Variants in YAF2 observed in about 807,000 individuals in gnomAD.
YAF2 encodes YY1-associated factor 2.
Under a neutral mutation model 20.1 loss-of-function variants are expected in YAF2, and 7 were observed. The ratio of observed to expected loss-of-function variants is 0.35; its 90% CI spans 0.20 to 0.65. The LOEUF (loss-of-function observed/expected upper bound fraction) is 0.65, where lower values mean the gene tolerates loss of function less well. YAF2 is among the 30% of genes least tolerant of loss of function. The probability of loss-of-function intolerance (pLI) is 0.69; values close to 1 mark genes in which losing one functional copy is unlikely to be tolerated. For missense variants in YAF2, 151 were observed against 219.2 expected (o/e 0.69, Z 1.96); for synonymous variants, 74 against 76.0 (o/e 0.97, Z 0.14).
At chr12:42,177,025 G>A (rs2137027596) in intron 2 of YAF2, among the ~76,000 whole-genome samples, 1 of 152,252 alleles carries the variant, frequency 6.6e-6, no homozygotes, top group East Asian at 1.9e-4. Flanking sequence ...CTTCCACAGA[G>A]CAGCCACTGT....
intron 2 of YAF2, among the ~76,000 whole-genome samples, chr12:42,230,591 C>G (rs777959288): frequency 6.6e-6 from 1 of 151,970 alleles, no homozygotes; most frequent in East Asian, 1.9e-4. Context: ...TAGTTCATGA[C>G]AGAAGTGATA....
chr12:42,210,421 G>T (rs2067172999), intron 2 of YAF2: 2 of 1,533,554 alleles, frequency 1.3e-6, no homozygotes, highest in African/African-American at 2.7e-5. Flanking sequence ...CTTCTGTTCA[G>T]CATGAGAATC....
chr12:42,235,291 G>A (rs761790973), intron 2 of YAF2: 6 of 999,208 alleles, frequency 6.0e-6, no homozygotes, highest in Non-Finnish European at 7.2e-6. Context: ...AGTCAATTAT[G>A]GAGAATTATT....
intron 2 of YAF2, among the ~76,000 whole-genome samples, chr12:42,237,004 A>T (rs759337990): frequency 6.6e-6 from 1 of 152,242 alleles, no homozygotes; most frequent in East Asian, 1.9e-4. Flanking sequence ...TAATCAAACT[A>T]AAGATATAAA....
intron 2 of YAF2, chr12:42,232,725 AG>A: frequency 4.1e-6 from 4 of 985,456 alleles, no homozygotes; most frequent in Non-Finnish European, 4.8e-6. Context: ...AAGTATGACA[AG>A]AAAACAACGA....
At position 42,158,265 on chromosome 12, in the gene YAF2, T is replaced by C. The variant is rs1016193840; in HGVS notation, c.*2324A>G. 1.3e-5 allele frequency: 2 copies of C among 152,176 alleles called. No homozygotes were observed. The highest frequency in any genetic ancestry group is 2.9e-5 in the Non-Finnish European group (2 of 68,014). The allele number at this position is 152,176 out of a possible 1,614,324, so 9.4% of individuals were successfully genotyped here. On this transcript the variant is annotated 3_prime_UTR_variant, in exon 4 of 4. Coordinates refer to ENST00000534854, the MANE Select transcript of YAF2 (RefSeq NM_005748.6). ...GTGCACACCCACCAGGTTCTTTAAT[T>C]ATGGAAAGATGGTCTTTCTGCATCC... is the stretch of plus-strand genomic sequence containing the variant.
At chr12:42,194,976 G>T (rs1348886986) in intron 2 of YAF2, among the ~76,000 whole-genome samples, 1 of 152,024 alleles carries the variant, frequency 6.6e-6, no homozygotes, top group African/African-American at 2.4e-5. Context: ...ATGTATACAT[G>T]GTACATCAAG....
intron 2 of YAF2, among the ~76,000 whole-genome samples, chr12:42,179,913 T>A (rs866460793): frequency 1.3e-5 from 2 of 151,950 alleles, no homozygotes; most frequent in African/African-American, 4.8e-5. Context: ...TACTCACTAA[T>A]AAACCATGCC....
At chr12:42,213,002 G>A (rs554742708) in intron 2 of YAF2, among the ~76,000 whole-genome samples, 1 of 152,280 alleles carries the variant, frequency 6.6e-6, no homozygotes, top group South Asian at 2.1e-4. Context: ...ACAGATCAAG[G>A]AGCAATAATG....
chr12:42,227,834 G>T (rs868472517), intron 2 of YAF2, among the ~76,000 whole-genome samples: 1,853 of 139,134 alleles, frequency 0.013, 44 homozygotes, highest in African/African-American at 0.048. Flanking sequence ...CGTGCCGTCC[G>T]GGAGGGAGGT....
intron 2 of YAF2, chr12:42,234,709 G>A (rs2068090449): frequency 2.0e-6 from 2 of 984,494 alleles, no homozygotes; most frequent in Non-Finnish European, 2.4e-6. Context: ...CTTTAAAGGG[G>A]CCGAATGGTG....
At chr12:42,176,340 C>A (rs11181368) in intron 2 of YAF2, among the ~76,000 whole-genome samples, 1 of 151,992 alleles carries the variant, frequency 6.6e-6, no homozygotes, top group African/African-American at 2.4e-5. Flanking sequence ...AGACTGGTCT[C>A]AAACTTCTGG....
chr12:42,198,699 G>A (rs572785224), intron 2 of YAF2, among the ~76,000 whole-genome samples: 31 of 152,264 alleles, frequency 2.0e-4, no homozygotes, highest in Admixed American at 3.9e-4. Flanking sequence ...GTAAAATTCC[G>A]AAATGGAGAG....
rs539844234 is a variant in YAF2 at position 42,237,905 on chromosome 12, G to C, written c.27-181C>G. 4,152 of 541,418 alleles carry C rather than the reference G, an allele frequency of 7.7e-3. 168 individuals are homozygous for C. The African/African-American group carries it at 0.081, about 11-fold the overall frequency. 33.5% of individuals were successfully genotyped at this position (541,418 alleles called of 1,614,324 possible). On this transcript the variant is annotated intron_variant, in intron 1 of 3. Coordinates refer to ENST00000534854, the MANE Select transcript of YAF2 (RefSeq NM_005748.6). ...AGGGAGTCAGGAAGAGGCAGGGCGC[G>C]AGCGCGGCCGCAGTCGCCGCCGCCA...
intron 2 of YAF2, among the ~76,000 whole-genome samples, chr12:42,201,861 C>A (rs1003287396): frequency 2.0e-5 from 3 of 152,158 alleles, no homozygotes; most frequent in African/African-American, 7.2e-5. Context: ...GTATGAGTTA[C>A]CACACCCAGC....
chr12:42,179,660 G>T (rs533446616), intron 2 of YAF2, among the ~76,000 whole-genome samples: 1 of 151,552 alleles, frequency 6.6e-6, no homozygotes, highest in Non-Finnish European at 1.5e-5. Flanking sequence ...GTGGTGGCAC[G>T]TGCCACCCAG....
At chr12:42,161,432 T>G (rs1159298843) in intron 3 of YAF2, 181 bp downstream of exon 3, 11 of 546,038 alleles carry the variant, frequency 2.0e-5, no homozygotes, top group Non-Finnish European at 2.8e-5. Context: ...AAGCTTGTAT[T>G]TCTGGCTTCT....
rs184882746 is a variant in YAF2 at position 42,193,084 on chromosome 12, G to T, written c.153-31319C>A. On this transcript the variant is annotated intron_variant, in intron 2 of 3. Coordinates refer to ENST00000534854, the MANE Select transcript of YAF2 (RefSeq NM_005748.6). ...ATCCCAGCACTTTGGGTGGCCGAGG[G>T]GGGGCAGATCACTAGAGGCCAGGAG... 4.2e-3 allele frequency among the ~76,000 whole-genome samples: 636 copies of T among 152,240 alleles called. 4 individuals carry two copies. Among genetic ancestry groups the T allele is most frequent in the African/African-American group, 0.015 (612 of 41,544 alleles).
chr12:42,234,389 A>C (rs1225157058), intron 2 of YAF2: 1 of 985,282 alleles, frequency 1.0e-6, no homozygotes, highest in Non-Finnish European at 1.2e-6. Context: ...TGAGGGGCTG[A>C]AAAATGACCT....
Sources: allele counts gnomAD v4.1 joint callset (sites outside exome capture counted in the v4.1 genomes callset), GRCh38; gene constraint gnomAD v4.1.1; transcripts MANE v1.5; gene names NCBI Gene and HGNC (gene_info 2026-07-23, HGNC 2026-07-21).